The following SCNN1B variants were observed in gnomAD, a reference collection of about 807,000 sequenced individuals.
SCNN1B encodes the protein sodium channel epithelial 1 subunit beta, also known as epithelial sodium channel subunit beta.
SCNN1B carries 46 observed loss-of-function variants against 65.3 expected under a neutral mutation model. The observed-to-expected ratio is 0.70, with a 90% CI of 0.56 to 0.90. The LOEUF (loss-of-function observed/expected upper bound fraction) is 0.90. Ranked by LOEUF, SCNN1B falls within the 40% of genes least tolerant of loss-of-function variation. SCNN1B has a pLI of 0.00. For synonymous variants in SCNN1B, 349 were observed against 330.6 expected, an observed-to-expected ratio of 1.06 and a Z score of -0.60; for missense variants, 751 against 830.5, an observed-to-expected ratio of 0.90 and a Z score of 1.18.
chr16:23,312,287 C>A (rs939599477), intron 1 of SCNN1B, among the ~76,000 whole-genome samples: 7 of 152,060 alleles, frequency 4.6e-5, no homozygotes, highest in Non-Finnish European at 1.0e-4. Context: ...GCATTAAGGG[C>A]AAGATTTGGG....
intron 4 of SCNN1B, among the ~76,000 whole-genome samples, chr16:23,364,379 C>G (rs1962607768): frequency 6.6e-6 from 1 of 152,034 alleles, no homozygotes; most frequent in African/African-American, 2.4e-5. Flanking sequence ...ATATTCCAGG[C>G]ACAAAGGACA....
intron 1 of SCNN1B, among the ~76,000 whole-genome samples, chr16:23,311,422 G>A (rs1169262781): frequency 6.6e-6 from 1 of 152,194 alleles, no homozygotes; most frequent in African/African-American, 2.4e-5. Context: ...CAGGGGCTGG[G>A]TTGCACCCTC....
chr16:23,376,373 TGC>T (rs1962896277), intron 8 of SCNN1B, among the ~76,000 whole-genome samples: 1 of 148,312 alleles, frequency 6.7e-6, no homozygotes, highest in Non-Finnish European at 1.5e-5. Context: ...TGTGTGTGTG[TGC>T]ACGTGCATGT....
intron 8 of SCNN1B, among the ~76,000 whole-genome samples, chr16:23,376,580 G>A (rs1311016948): frequency 6.6e-6 from 1 of 151,946 alleles, no homozygotes; most frequent in Non-Finnish European, 1.5e-5. Context: ...TGGAGCTGGG[G>A]CCTGGGAGCC....
chr16:23,378,881 A>G, intron 11 of SCNN1B, 114 bp downstream of exon 11: 1 of 950,080 alleles, frequency 1.1e-6, no homozygotes, highest in Non-Finnish European at 1.7e-6. Context: ...GGTCAGACCG[A>G]GGAGCAAGTC....
chr16:23,322,722 T>C (rs1423772195), intron 1 of SCNN1B, among the ~76,000 whole-genome samples: 1 of 152,236 alleles, frequency 6.6e-6, no homozygotes, highest in Admixed American at 6.5e-5. Flanking sequence ...TACTTCAACA[T>C]ATAATCAATA....
At chr16:23,299,669 A>T (rs1416439951), upstream of SCNN1B, among the ~76,000 whole-genome samples, 2 of 152,224 alleles carry the variant, frequency 1.3e-5, no homozygotes, top group Non-Finnish European at 2.9e-5. Flanking sequence ...TAGAATGGCA[A>T]TCATTAAAAA....
upstream of SCNN1B, among the ~76,000 whole-genome samples, chr16:23,301,086 G>A (rs568549867): frequency 1.3e-5 from 2 of 151,736 alleles, no homozygotes; most frequent in Non-Finnish European, 2.9e-5. Context: ...ATTCCTGGCT[G>A]GGCATGGTGG....
intron 1 of SCNN1B, chr16:23,323,521 T>G (rs1596835607): frequency 1.4e-6 from 1 of 702,890 alleles, no homozygotes; most frequent in African/African-American, 1.7e-5. Flanking sequence ...ATCAACTCAA[T>G]GAACTCAGTA....
chr16:23,379,444 G>A lies in SCNN1B; in HGVS notation c.1467-650G>A, dbSNP rs80275748. Among the ~76,000 whole-genome samples the A allele has an allele frequency of 5.3e-5, 8 of 152,132 alleles. No individual in the cohort carries two copies. The South Asian group carries it at 6.2e-4, about 12-fold the overall frequency. On this transcript the variant is annotated intron_variant, in intron 11 of 12. Transcript: ENST00000343070. Reference sequence around the variant, plus strand: ...TGCCTGAGAGATAAGGGAGGTCTGCGTAGGGAGGTGGCTTTGAGTGAACTC... The same window carrying A: ...TGCCTGAGAGATAAGGGAGGTCTGCATAGGGAGGTGGCTTTGAGTGAACTC...
intron 2 of SCNN1B, among the ~76,000 whole-genome samples, chr16:23,295,068 T>C (rs1479452848): frequency 1.3e-5 from 2 of 152,154 alleles, no homozygotes; most frequent in Non-Finnish European, 2.9e-5. Flanking sequence ...GTATAGCCAT[T>C]ATTACCATCT....
chr16:23,324,523 A>C (rs910567561), intron 1 of SCNN1B, among the ~76,000 whole-genome samples: 12 of 152,124 alleles, frequency 7.9e-5, no homozygotes, highest in Non-Finnish European at 1.3e-4. Flanking sequence ...TAATAATAGG[A>C]TCATTCCTGT....
At chr16:23,352,711 A>G in intron 2 of SCNN1B, 90 bp from the exon 3 acceptor site, 3 of 1,401,744 alleles carry the variant, frequency 2.1e-6, no homozygotes, top group Non-Finnish European at 3.0e-6. Flanking sequence ...CAGTGTGAAA[A>G]CAGACTACTA....
chr16:23,371,533 C>T lies in SCNN1B; in HGVS notation c.1044+71C>T, dbSNP rs1029213729. ...AGCCCACCTGTCCAGGGCCAACTGCCCTTGGCCTGGGAGGAGGGGATCTGG... is the reference window on the plus strand; with the variant it reads ...AGCCCACCTGTCCAGGGCCAACTGCTCTTGGCCTGGGAGGAGGGGATCTGG... On this transcript the variant is annotated intron_variant, in intron 6 of 12. Transcript: ENST00000343070. The T allele has an allele frequency of 2.3e-5, 35 of 1,492,792 alleles. No individual in the cohort carries two copies. In the African/African-American group the frequency reaches 3.6e-4, roughly 15 times the overall value. 92.5% of individuals were successfully genotyped at this position (1,492,792 alleles called of 1,614,324 possible).
intron 4 of SCNN1B, among the ~76,000 whole-genome samples, chr16:23,365,678 C>G (rs1160728283): frequency 6.6e-6 from 1 of 152,156 alleles, no homozygotes; most frequent in Non-Finnish European, 1.5e-5. Context: ...CACTCTCTGT[C>G]CTCTGCCACA....
intron 1 of SCNN1B, among the ~76,000 whole-genome samples, chr16:23,278,886 G>A (rs561463723): frequency 1.0e-3 from 156 of 152,042 alleles, no homozygotes; most frequent in Non-Finnish European, 1.8e-3. Flanking sequence ...GCTGCAGTGA[G>A]CTATGATCGT....
At chr16:23,355,522 C>T (rs1219403478) in intron 4 of SCNN1B, 33 bp downstream of exon 4, 10 of 1,608,554 alleles carry the variant, frequency 6.2e-6, no homozygotes, top group Non-Finnish European at 7.6e-6. Context: ...CCGGCCAGGC[C>T]CTGGCACCGA....
chr16:23,367,806 G>T, intron 4 of SCNN1B, 50 bp from the exon 5 acceptor site: 1 of 1,369,970 alleles, frequency 7.3e-7, no homozygotes, highest in Non-Finnish European at 1.0e-6. Flanking sequence ...AGTCGGGGGA[G>T]GCATTGCCTG....
intron 10 of SCNN1B, among the ~76,000 whole-genome samples, 195 bp downstream of exon 10, chr16:23,377,581 TCCC>T (rs1962931072): frequency 2.7e-5 from 4 of 146,458 alleles, no homozygotes; most frequent in South Asian, 2.2e-4. Flanking sequence ...TTTCCCTTCC[TCCC>T]TCCCTTCTCC....
Sources: allele counts gnomAD v4.1 joint callset (sites outside exome capture counted in the v4.1 genomes callset), GRCh38; gene constraint gnomAD v4.1.1; transcripts MANE v1.5; gene names NCBI Gene and HGNC (gene_info 2026-07-23, HGNC 2026-07-21).